The following ATP6V1A variants were observed in gnomAD, a reference collection of about 807,000 sequenced individuals.
ATP6V1A encodes the protein V-type proton ATPase catalytic subunit A.
ATP6V1A carries 18 observed loss-of-function variants against 70.1 expected under a neutral mutation model. The ratio of observed to expected loss-of-function variants is 0.26; its 90% CI spans 0.18 to 0.38. The LOEUF (loss-of-function observed/expected upper bound fraction) is 0.38. ATP6V1A is among the 10% of genes least tolerant of loss of function. The pLI, the probability that ATP6V1A is intolerant of heterozygous loss-of-function variation, is 1.00. For synonymous variants in ATP6V1A, 232 were observed against 253.8 expected (o/e 0.91, Z 0.82); for missense variants, 424 against 772.4 (o/e 0.55, Z 5.35).
At chr3:113,767,623 A>G (rs1483007223) in intron 1 of ATP6V1A, among the ~76,000 whole-genome samples, 3 of 151,842 alleles carry the variant, frequency 2.0e-5, no homozygotes, top group East Asian at 1.9e-4. Context: ...ATATTGCACA[A>G]TTTTATTTGT....
At chr3:113,793,220 A>T (rs1427802727) in intron 8 of ATP6V1A, among the ~76,000 whole-genome samples, 1 of 151,562 alleles carries the variant, frequency 6.6e-6, no homozygotes, top group Non-Finnish European at 1.5e-5. Flanking sequence ...CCACCACCAC[A>T]CCTGGCTAAT....
intron 1 of ATP6V1A, among the ~76,000 whole-genome samples, chr3:113,773,409 G>A (rs780880177): frequency 3.9e-5 from 6 of 151,978 alleles, no homozygotes; most frequent in Non-Finnish European, 8.8e-5. Context: ...AAAGTGTGCC[G>A]TCTTTGGCAT....
At chr3:113,748,694 G>T (rs1318937847) in intron 1 of ATP6V1A, among the ~76,000 whole-genome samples, 1 of 152,180 alleles carries the variant, frequency 6.6e-6, no homozygotes, top group Non-Finnish European at 1.5e-5. Context: ...CTAGCTTATT[G>T]ATGCTCCTTA....
intron 1 of ATP6V1A, among the ~76,000 whole-genome samples, chr3:113,773,366 C>A (rs1363429678): frequency 6.6e-6 from 1 of 152,156 alleles, no homozygotes; most frequent in East Asian, 1.9e-4. Context: ...CACTAGGACT[C>A]TAGGTTCTCT....
chr3:113,753,489 C>T (rs1708612277), intron 1 of ATP6V1A, among the ~76,000 whole-genome samples: 2 of 152,134 alleles, frequency 1.3e-5, no homozygotes, highest in African/African-American at 4.8e-5. Flanking sequence ...GGAGTGTTAG[C>T]TGCAACAGTG....
At chr3:113,756,814 G>A (rs1261264706) in intron 1 of ATP6V1A, among the ~76,000 whole-genome samples, 4 of 152,208 alleles carry the variant, frequency 2.6e-5, no homozygotes, top group Non-Finnish European at 5.9e-5. Context: ...ATGTAAGAGT[G>A]TTCAAATAGT....
intron 1 of ATP6V1A, 108 bp from the exon 2 acceptor site, chr3:113,778,633 G>A: frequency 1.8e-6 from 1 of 542,382 alleles, no homozygotes; most frequent in Non-Finnish European, 3.1e-6. Context: ...AATAACTCAA[G>A]AATACACCAA....
intron 1 of ATP6V1A, 109 bp downstream of exon 1, chr3:113,747,222 C>G (rs1262792025): frequency 1.3e-5 from 2 of 152,266 alleles, no homozygotes; most frequent in Admixed American, 1.3e-4. Context: ...CTGAGGCTTC[C>G]TCCCCGCTGT....
At chr3:113,800,163 C>T (rs777111582) in intron 12 of ATP6V1A, among the ~76,000 whole-genome samples, 70 of 149,042 alleles carry the variant, frequency 4.7e-4, no homozygotes, top group Non-Finnish European at 8.0e-4. Flanking sequence ...ACCTGGGAGG[C>T]GGAGGTTGCA....
chr3:113,759,481 G>A (rs1263653859), intron 1 of ATP6V1A, among the ~76,000 whole-genome samples: 1 of 150,342 alleles, frequency 6.7e-6, no homozygotes, highest in African/African-American at 2.4e-5. Flanking sequence ...AGATTAATAG[G>A]GATTAAATTT....
At chr3:113,755,236 AAG>A (rs1440379606) in intron 1 of ATP6V1A, among the ~76,000 whole-genome samples, 5 of 152,110 alleles carry the variant, frequency 3.3e-5, no homozygotes, top group Admixed American at 6.6e-5. Flanking sequence ...TAAGGATAAT[AAG>A]AGTATTTAAC....
chr3:113,762,262 A>C (rs1393262968), intron 1 of ATP6V1A, among the ~76,000 whole-genome samples: 1 of 148,692 alleles, frequency 6.7e-6, no homozygotes, highest in Non-Finnish European at 1.5e-5. Context: ...TGATTGCCTG[A>C]ATTTTGAAAA....
At position 113,773,123 on chromosome 3, in the gene ATP6V1A, A is replaced by G. The variant is rs954656793; in HGVS notation, c.-13-5618A>G. Among the ~76,000 whole-genome samples, 12 of 151,838 alleles carry G rather than the reference A, an allele frequency of 7.9e-5. No homozygotes were observed. In the South Asian group the frequency reaches 8.3e-4, roughly 10 times the overall value. On this transcript the variant is annotated intron_variant, in intron 1 of 14. Coordinates refer to ENST00000273398, the MANE Select transcript of ATP6V1A (RefSeq NM_001690.4). ...CGGCTAATTTTTTTGTATTTTTAGT[A>G]GAGGCGGGGTTTCACCATGTTGGTC...
chr3:113,777,444 A>G (rs1332975692), intron 1 of ATP6V1A, among the ~76,000 whole-genome samples: 1 of 152,212 alleles, frequency 6.6e-6, no homozygotes, highest in Non-Finnish European at 1.5e-5. Context: ...CTCATGGAGA[A>G]GGTGATGTTT....
At chr3:113,757,417 C>A (rs925527366) in intron 1 of ATP6V1A, among the ~76,000 whole-genome samples, 1 of 152,174 alleles carries the variant, frequency 6.6e-6, no homozygotes, top group South Asian at 2.1e-4. Context: ...TCCAAATGAG[C>A]CATTGAGCCA....
At chr3:113,750,508 A>T (rs953018080) in intron 1 of ATP6V1A, among the ~76,000 whole-genome samples, 1 of 152,122 alleles carries the variant, frequency 6.6e-6, no homozygotes, top group Non-Finnish European at 1.5e-5. Flanking sequence ...AAAACAAAAA[A>T]AACTAAGTGG....
At position 113,787,308 on chromosome 3, in the gene ATP6V1A, G is replaced by C. The variant is rs1388027183; in HGVS notation, c.716+925G>C. On this transcript the variant is annotated intron_variant, in intron 6 of 14. Transcript: ENST00000273398. ...CAGTTTAGTCCCAAACTCCATGCCT[G>C]GGATAAATCAAACTGAGAAGCAAGC... Among the ~76,000 whole-genome samples the C allele has an allele frequency of 2.7e-5, 4 of 150,372 alleles. No individual in the cohort carries two copies. The East Asian group carries it at 5.8e-4, about 22-fold the overall frequency.
Position 113,811,140 on chromosome 3 carries a change from G to A in ATP6V1A, c.*1713G>A, listed in dbSNP as rs1461410982. ...GCTTCCTCTTTGGGAAGAGGAAAGG[G>A]TGTGTGAACATGGCTAACAATCTTC... On this transcript the variant is annotated 3_prime_UTR_variant, in exon 15 of 15. Coordinates refer to ENST00000273398, the MANE Select transcript of ATP6V1A (RefSeq NM_001690.4). 1 of 152,186 alleles carries A rather than the reference G, an allele frequency of 6.6e-6. No individual in the cohort carries two copies. The highest frequency in any genetic ancestry group is 6.5e-5 in the Admixed American group (1 of 15,282). The allele number at this position is 152,186 out of a possible 1,614,324, so 9.4% of individuals were successfully genotyped here.
chr3:113,768,691 G>A (rs1437018498), intron 1 of ATP6V1A, among the ~76,000 whole-genome samples: 1 of 147,500 alleles, frequency 6.8e-6, no homozygotes, highest in Non-Finnish European at 1.5e-5. Context: ...TGCCTTCCAC[G>A]TTCAAGTGAT....
Sources: gnomAD v4.1 joint callset for allele counts (sites outside exome capture counted in the v4.1 genomes callset) on GRCh38, gnomAD v4.1.1 for gene constraint, MANE v1.5 for transcripts, NCBI Gene and HGNC (gene_info 2026-07-23, HGNC 2026-07-21) for gene names.